Variants in GCNT4 observed in about 807,000 individuals in gnomAD.
GCNT4 encodes the protein beta-1,3-galactosyl-O-glycosyl-glycoprotein beta-1,6-N-acetylglucosaminyltransferase 4.
Under a neutral mutation model 31.3 loss-of-function variants are expected in GCNT4, and 17 were observed. The ratio of observed to expected loss-of-function variants is 0.54; its 90% confidence interval spans 0.37 to 0.81. The LOEUF is 0.81. GCNT4 is among the 40% of genes least tolerant of loss of function. The probability of loss-of-function intolerance (pLI) is 0.00; values close to 1 mark genes in which losing one functional copy is unlikely to be tolerated. For synonymous variants in GCNT4, 158 were observed against 190.6 expected, an observed-to-expected ratio of 0.83 and a Z score of 1.41; for missense variants, 503 against 525.5, an observed-to-expected ratio of 0.96 and a Z score of 0.42.
At chr5:75,053,785 T>A (rs938685149), upstream of GCNT4, among the ~76,000 whole-genome samples, 1 of 152,070 alleles carries the variant, frequency 6.6e-6, no homozygotes, top group African/African-American at 2.4e-5. Flanking sequence ...CGGGCCGCGC[T>A]TCGGACAAAG....
chr5:75,049,343 T>C (rs1743515065), intron 2 of GCNT4, among the ~76,000 whole-genome samples: 1 of 152,204 alleles, frequency 6.6e-6, no homozygotes, highest in Non-Finnish European at 1.5e-5. Context: ...TCAAACTTCA[T>C]AACATATTAA....
chr5:75,031,423 A>G (rs1743059175), intron 3 of GCNT4, among the ~76,000 whole-genome samples: 1 of 152,200 alleles, frequency 6.6e-6, no homozygotes, highest in Non-Finnish European at 1.5e-5. Context: ...TCTGTGGGCC[A>G]TATTGTCTCA....
In GCNT4 at chr5:75,035,461, G is replaced by A. The variant is rs74439187; in HGVS notation, c.-1-5423C>T. Among the ~76,000 whole-genome samples, 192 of 152,320 alleles carry A rather than the reference G, an allele frequency of 1.3e-3. 3 individuals carry two copies. In the East Asian group the frequency reaches 0.03, roughly 24 times the overall value. On this transcript the variant is annotated intron_variant, in intron 3 of 3. Coordinates refer to ENST00000652361, the MANE Select transcript of GCNT4 (RefSeq NM_001366737.1). ...GGGGAGAGAGGAAGAAAGGAGCTGC[G>A]CTTCAGGATGCCACAGACCTTGGGC...
chr5:75,049,309 T>C (rs1251890693), intron 2 of GCNT4, among the ~76,000 whole-genome samples: 2 of 152,244 alleles, frequency 1.3e-5, no homozygotes, highest in Admixed American at 6.5e-5. Context: ...ACTTTGCCTG[T>C]ATTTTTCTGT....
chr5:75,039,945 A>T (rs1415331649), intron 3 of GCNT4, among the ~76,000 whole-genome samples: 3 of 152,160 alleles, frequency 2.0e-5, no homozygotes, highest in Admixed American at 2.0e-4. Flanking sequence ...ATGTCCATAA[A>T]GGCCCAGGCA....
intron 3 of GCNT4, among the ~76,000 whole-genome samples, chr5:75,047,071 T>G (rs75841331): frequency 0.027 from 4,097 of 152,326 alleles, 177 homozygotes; most frequent in African/African-American, 0.094. Flanking sequence ...CCTTGCTACA[T>G]TTTTATAATT....
At position 75,029,461 on chromosome 5, in the gene GCNT4, C is replaced by T. The variant is rs1743013589; in HGVS notation, c.577G>A (p.Glu193Lys). Reference sequence around the variant, plus strand: ...GAAATGTGGGCATATTCCACAGCCTCTAATTTGGAAGCAATGAAAATATTG... The same window carrying T: ...GAAATGTGGGCATATTCCACAGCCTTTAATTTGGAAGCAATGAAAATATTG... ...FSNIFIASKL[E>K]AVEYAHISRL... Residue 193 changes from glutamate (E) to lysine (K), a missense_variant, in exon 4 of 4, where the codon GAG becomes AAG. By Grantham distance (56) the Glu-to-Lys change is moderately conservative. Transcript: ENST00000652361. The T allele has an allele frequency of 1.9e-6, 3 of 1,614,102 alleles. No homozygotes were observed. The highest frequency in any genetic ancestry group is 1.3e-5 in the African/African-American group (1 of 75,058).
chr5:75,033,007 T>C (rs1212715732), intron 3 of GCNT4, among the ~76,000 whole-genome samples: 2 of 152,078 alleles, frequency 1.3e-5, no homozygotes, highest in East Asian at 3.9e-4. Context: ...AAAGTAAATT[T>C]TGGCTATTTC....
At chr5:75,021,138 C>G (rs1469163697), downstream of GCNT4, among the ~76,000 whole-genome samples, 1 of 152,174 alleles carries the variant, frequency 6.6e-6, no homozygotes, top group East Asian at 1.9e-4. Flanking sequence ...GATTGATTGA[C>G]TGCCTTGAAC....
At position 75,029,690 on chromosome 5, in the gene GCNT4, T is replaced by G. The variant is rs140303710; in HGVS notation, c.348A>C (p.Leu116=). Residue 116 remains leucine, a synonymous_variant, in exon 4 of 4, where the codon CTA becomes CTC. Transcript: ENST00000652361. ...AGACAAGCTTTTGAGCATAACCTCT[T>G]AGAGTCTGATAAATGTCACAATCAC... ...MTSDCDIYQT[L]RGYAQKLVSK... is the part of the protein sequence containing the mutation. 78 of 1,614,032 alleles carry G rather than the reference T, an allele frequency of 4.8e-5. No individual in the cohort carries two copies. Among genetic ancestry groups the G allele is most frequent in the Non-Finnish European group, 6.3e-5 (74 of 1,180,028 alleles).
rs1163813671 is a variant in GCNT4 at position 75,039,072 on chromosome 5, G to GT, written c.-2+8824dup. Among the ~76,000 whole-genome samples, 182 of 150,464 alleles carry GT rather than the reference G, an allele frequency of 1.2e-3. 1 individual carries two copies. Among genetic ancestry groups the GT allele is most frequent in the Admixed American group, 1.8e-3 (27 of 15,106 alleles). On this transcript the variant is annotated intron_variant, in intron 3 of 3. Transcript: ENST00000652361. ...CACTATTTCCATGATCTTATTCACTGTTTTTTTTTGTTTTGTTTTGTTTTG... is the reference window on the plus strand; with the variant it reads ...CACTATTTCCATGATCTTATTCACTGTTTTTTTTTTGTTTTGTTTTGTTTTG...
chr5:75,031,841 TGGCAGAGCTCCTAG>T (rs1334781845), intron 3 of GCNT4, among the ~76,000 whole-genome samples: 2 of 152,190 alleles, frequency 1.3e-5, no homozygotes, highest in Non-Finnish European at 2.9e-5. Context: ...ACAGGAAAGC[TGGCAGAGCTCCTAG>T]GGCTGCTTCA....
At position 75,026,481 on chromosome 5, in the gene GCNT4, ACT is replaced by A. The variant is rs550575160; in HGVS notation, c.*2193_*2194del. Reference sequence around the variant, plus strand: ...ACAGAAGTTGCCCCTGTGACTGGGGACTCTCTTTATATTTCAATAGTTTTTCA... The same window carrying A: ...ACAGAAGTTGCCCCTGTGACTGGGGACTCTTTATATTTCAATAGTTTTTCA... On this transcript the variant is annotated 3_prime_UTR_variant, in exon 4 of 4. Coordinates refer to ENST00000652361, the MANE Select transcript of GCNT4 (RefSeq NM_001366737.1). 3.3e-3 allele frequency: 506 copies of A among 151,734 alleles called. 3 individuals carry two copies. The highest frequency in any genetic ancestry group is 0.012 in the African/African-American group (487 of 41,368). 9.4% of individuals were successfully genotyped at this position (151,734 alleles called of 1,614,324 possible). A position where few individuals can be genotyped will look rare whatever the true frequency, so the allele number is the denominator to read the frequency against.
intron 3 of GCNT4, among the ~76,000 whole-genome samples, chr5:75,038,965 G>A (rs565174521): frequency 1.6e-4 from 24 of 152,248 alleles, no homozygotes; most frequent in African/African-American, 2.9e-4. Context: ...GCCTGCTCTG[G>A]CTAAAGTCAA....
chr5:75,032,872 GGTGTGTGTGTGTGTGTGTGTGTGT>G (rs60551634), intron 3 of GCNT4, among the ~76,000 whole-genome samples: 1 of 130,644 alleles, frequency 7.7e-6, no homozygotes, highest in Admixed American at 7.8e-5. Context: ...CCCAAATAGG[GGTGTGTGTGTGTGTGTGTGTGTGT>G]GTGTGTGTGT....
At position 75,046,677 on chromosome 5, in the gene GCNT4, A is replaced by G. The variant is rs1182385198; in HGVS notation, c.-2+1220T>C. Reference sequence around the variant, plus strand: ...TTTCTCCTTAACTAGATTAGAAACCAGAAAACCCAGAAAACCAACAAGAGA... The same window carrying G: ...TTTCTCCTTAACTAGATTAGAAACCGGAAAACCCAGAAAACCAACAAGAGA... On this transcript the variant is annotated intron_variant, in intron 3 of 3. Transcript: ENST00000652361. Among the ~76,000 whole-genome samples the G allele has an allele frequency of 2.0e-5, 3 of 152,218 alleles. 1 individual carries two copies. The highest frequency in any genetic ancestry group is 2.0e-4 in the Admixed American group (3 of 15,286).
At chr5:75,032,550 C>T (rs1388427349) in intron 3 of GCNT4, among the ~76,000 whole-genome samples, 1 of 152,128 alleles carries the variant, frequency 6.6e-6, no homozygotes, top group Non-Finnish European at 1.5e-5. Flanking sequence ...GCCTCAAATC[C>T]ATCCTTTCTT....
chr5:75,039,741 T>A (rs1304837571), intron 3 of GCNT4, among the ~76,000 whole-genome samples: 1 of 152,158 alleles, frequency 6.6e-6, no homozygotes, highest in Non-Finnish European at 1.5e-5. Flanking sequence ...CAAGCTAGCA[T>A]CAACTCTTGC....
intron 3 of GCNT4, among the ~76,000 whole-genome samples, chr5:75,041,984 AGATG>A (rs1242217175): frequency 6.6e-6 from 1 of 152,260 alleles, no homozygotes; most frequent in Non-Finnish European, 1.5e-5. Flanking sequence ...AAATATCAGA[AGATG>A]GTGAATTTCA....
Sources: gnomAD v4.1 joint callset for allele counts (sites outside exome capture counted in the v4.1 genomes callset) on GRCh38, gnomAD v4.1.1 for gene constraint, MANE v1.5 for transcripts, NCBI Gene and HGNC (gene_info 2026-07-23, HGNC 2026-07-21) for gene names.